ARHGEF10: variants seen among roughly 807,000 people sequenced by gnomAD.
ARHGEF10 encodes Rho guanine nucleotide exchange factor (GEF) 10.
ARHGEF10 carries 140 observed loss-of-function variants against 147.4 expected under a neutral mutation model. The observed-to-expected ratio is 0.95, with a 90% CI of 0.83 to 1.09. The LOEUF is 1.09. Among genes scored for constraint, ARHGEF10 ranks in the 50% least tolerant of loss-of-function variants. The pLI is 0.00. For synonymous variants in ARHGEF10, 902 were observed against 695.8 expected (o/e 1.30, Z -4.67); for missense variants, 2,222 against 1,752.7 (o/e 1.27, Z -4.78).
At chr8:1,901,309 A>G (rs1216690646) in intron 15 of ARHGEF10, among the ~76,000 whole-genome samples, 1 of 152,068 alleles carries the variant, frequency 6.6e-6, no homozygotes, top group Non-Finnish European at 1.5e-5. Context: ...CCTTCCTCCC[A>G]GTGACTCTCC....
intron 18 of ARHGEF10, among the ~76,000 whole-genome samples, chr8:1,914,648 A>G (rs1405594011): frequency 6.6e-6 from 1 of 152,228 alleles, no homozygotes; most frequent in Non-Finnish European, 1.5e-5. Context: ...AATGAAGGAA[A>G]CAGAACAAAA....
At chr8:1,862,511 C>G (rs974024320) in intron 4 of ARHGEF10, among the ~76,000 whole-genome samples, 8 of 152,260 alleles carry the variant, frequency 5.3e-5, no homozygotes, top group Non-Finnish European at 1.0e-4. Flanking sequence ...GTGTCTGCCT[C>G]CTTCTGACCT....
rs892448804 is a variant in ARHGEF10 at position 1,903,599 on chromosome 8, G to T, written c.1821+148G>T. The T allele has an allele frequency of 1.8e-5, 17 of 950,360 alleles. No individual in the cohort carries two copies. The East Asian group carries it at 3.1e-4, about 18-fold the overall frequency. The allele number at this position is 950,360 out of a possible 1,614,324, so 58.9% of individuals were successfully genotyped here. A position where few individuals can be genotyped will look rare whatever the true frequency, so the allele number is the denominator to read the frequency against. ...TTAACCGGGGTGGATGGAGGCCTTC[G>T]GGAGAGTCACACCAATGTGGAAATT... On this transcript the variant is annotated intron_variant, in intron 16 of 28. Transcript: ENST00000349830.
chr8:1,856,813 C>A (rs184068114), intron 2 of ARHGEF10, among the ~76,000 whole-genome samples: 118 of 152,332 alleles, frequency 7.7e-4, no homozygotes, highest in African/African-American at 2.7e-3. Context: ...GGCATGGCAG[C>A]AGGAGGTTTC....
chr8:1,941,853 A>T (rs1814120689), intron 26 of ARHGEF10, among the ~76,000 whole-genome samples: 1 of 152,220 alleles, frequency 6.6e-6, no homozygotes, highest in Non-Finnish European at 1.5e-5. Flanking sequence ...TGAATGTTGA[A>T]TGGCCTCTTC....
chr8:1,871,360 A>G (rs1032033477), intron 7 of ARHGEF10, among the ~76,000 whole-genome samples: 2 of 152,150 alleles, frequency 1.3e-5, no homozygotes, highest in Non-Finnish European at 2.9e-5. Flanking sequence ...AGTAAAAAAA[A>G]ATCAATACAA....
At chr8:1,878,174 CT>C (rs1292547071) in intron 8 of ARHGEF10, among the ~76,000 whole-genome samples, 2 of 145,950 alleles carry the variant, frequency 1.4e-5, no homozygotes, top group African/African-American at 5.1e-5. Flanking sequence ...ACCGATGAAG[CT>C]GCAATTGTAG....
Position 1,957,030 on chromosome 8 carries a change from G to A in ARHGEF10, c.3802G>A (p.Gly1268Ser), listed in dbSNP as rs1386350717. ...ATCTGGGTCCCTGAGCTTGTCTCAC[G>A]GCTCCAGCTCTCTAGAGCACAGATC... ...SSSGSLSLSH[G>S]SSSLEHRSED... Residue 1268 changes from glycine to serine, a missense_variant, in exon 29 of 29, where the codon GGC becomes AGC. Gly to Ser is a moderately conservative substitution (Grantham distance 56). Coordinates refer to ENST00000349830, the MANE Select transcript of ARHGEF10 (RefSeq NM_014629.4). 9 of 1,613,838 alleles carry A rather than the reference G, an allele frequency of 5.6e-6. No homozygotes were observed. The highest frequency in any genetic ancestry group is 1.6e-4 in the Middle Eastern group (1 of 6,084).
intron 23 of ARHGEF10, 23 bp downstream of exon 23, chr8:1,926,486 T>C (rs1416062561): frequency 1.2e-6 from 2 of 1,600,562 alleles, no homozygotes. Context: ...TATTTGGTTT[T>C]GGTACAAGTT....
In ARHGEF10 at chr8:1,957,933, A is replaced by AT. The variant is rs1815706166; in HGVS notation, c.*672dup. On this transcript the variant is annotated 3_prime_UTR_variant, in exon 29 of 29. Coordinates refer to ENST00000349830, the MANE Select transcript of ARHGEF10 (RefSeq NM_014629.4). ...TAACAGTTAATGTTTCAGTCAATGTATTATCTGTAGCATTTCACAAATAAT... is the reference window on the plus strand; with the variant it reads ...TAACAGTTAATGTTTCAGTCAATGTATTTATCTGTAGCATTTCACAAATAAT... The AT allele has an allele frequency of 6.6e-6, 1 of 152,324 alleles. No individual in the cohort carries two copies. The highest frequency in any genetic ancestry group is 1.5e-5 in the Non-Finnish European group (1 of 68,118). The allele number at this position is 152,324 out of a possible 1,614,324, so 9.4% of individuals were successfully genotyped here. A position where few individuals can be genotyped will look rare whatever the true frequency, so the allele number is the denominator to read the frequency against.
intron 10 of ARHGEF10, among the ~76,000 whole-genome samples, chr8:1,884,633 G>A (rs1302025069): frequency 6.6e-6 from 1 of 152,186 alleles, no homozygotes; most frequent in African/African-American, 2.4e-5. Flanking sequence ...TTTCTGTGCA[G>A]CCAGGGTTTG....
intron 13 of ARHGEF10, 93 bp downstream of exon 13, chr8:1,894,665 T>G (rs1036753039): frequency 2.1e-6 from 3 of 1,426,690 alleles, no homozygotes; most frequent in Non-Finnish European, 2.9e-6. Context: ...CCTGATCTCC[T>G]GCAAGCTGAC....
chr8:1,908,033 A>G (rs1053300299), intron 17 of ARHGEF10, among the ~76,000 whole-genome samples: 4 of 152,038 alleles, frequency 2.6e-5, no homozygotes, highest in Non-Finnish European at 5.9e-5. Context: ...AACACAACCC[A>G]TCTTTCCTCT....
intron 7 of ARHGEF10, chr8:1,870,233 A>ATTTTTT (rs60029592): frequency 4.0e-5 from 4 of 98,766 alleles, no homozygotes; most frequent in Non-Finnish European, 6.0e-5. Flanking sequence ...CTTGTTACCG[A>ATTTTTT]TTTTTTTTTT....
chr8:1,934,227 A>ACCGGTAGT (rs1261067912), intron 26 of ARHGEF10, among the ~76,000 whole-genome samples: 3 of 151,912 alleles, frequency 2.0e-5, no homozygotes, highest in African/African-American at 7.3e-5. Flanking sequence ...GTGGTTGCAC[A>ACCGGTAGT]CCGGTAGTCC....
At chr8:1,888,230 CAGTGAGTGTGGTGAGGGTTG>C (rs879742077) in intron 11 of ARHGEF10, among the ~76,000 whole-genome samples, 8,536 of 63,186 alleles carry the variant, frequency 0.14, 1,984 homozygotes, top group South Asian at 0.31. Flanking sequence ...TGCGAGGAGA[CAGTGAGTGTGGTGAGGGTTG>C]CGAGGAGATG....
intron 27 of ARHGEF10, among the ~76,000 whole-genome samples, chr8:1,951,389 G>A (rs1345617708): frequency 3.9e-5 from 6 of 152,206 alleles, no homozygotes; most frequent in African/African-American, 1.2e-4. Flanking sequence ...ACCAAGTCAC[G>A]CCGACCAGGC....
Position 1,850,154 on chromosome 8 carries a change from C to CTG in ARHGEF10, c.37+6718_37+6719insTG, listed in dbSNP as rs1563174399. Among the ~76,000 whole-genome samples, 11 of 136,252 alleles carry CTG rather than the reference C, an allele frequency of 8.1e-5. No individual in the cohort carries two copies. In the East Asian group the frequency reaches 1.1e-3, roughly 14 times the overall value. 89.4% of individuals were successfully genotyped at this position (136,252 alleles called of 152,430 possible). A position where few individuals can be genotyped will look rare whatever the true frequency, so the allele number is the denominator to read the frequency against. On this transcript the variant is annotated intron_variant, in intron 2 of 28. Coordinates refer to ENST00000349830, the MANE Select transcript of ARHGEF10 (RefSeq NM_014629.4). ...AAATGCTGAGGAGGGTGTGGGGCGG[C>CTG]CACGTGGACACAGAGGGCAAATGCT...
intron 26 of ARHGEF10, among the ~76,000 whole-genome samples, chr8:1,935,607 A>C (rs1813528749): frequency 6.6e-6 from 1 of 152,050 alleles, no homozygotes; most frequent in Non-Finnish European, 1.5e-5. Flanking sequence ...GAGGGCACTC[A>C]CCTGTTACCA....
Sources: allele counts gnomAD v4.1 joint callset (sites outside exome capture counted in the v4.1 genomes callset), GRCh38; gene constraint gnomAD v4.1.1; transcripts MANE v1.5; gene names NCBI Gene and HGNC (gene_info 2026-07-23, HGNC 2026-07-21).